Variants in LRRC14 observed in about 807,000 individuals in gnomAD.
LRRC14 encodes the protein leucine rich repeat containing 14.
A neutral mutation model predicts 25.3 loss-of-function variants in LRRC14; 16 were observed. The ratio of observed to expected loss-of-function variants is 0.63; its 90% CI spans 0.43 to 0.96. The LOEUF is 0.96. LRRC14 is among the 40% of genes least tolerant of loss of function. The pLI, the probability that LRRC14 is intolerant of heterozygous loss-of-function variation, is 0.00. For missense variants in LRRC14, 594 were observed against 660.5 expected (o/e 0.90, Z 1.10); for synonymous variants, 359 against 295.1 (o/e 1.22, Z -2.22).
Position 144,521,226 on chromosome 8 carries a change from C to T in LRRC14, c.1230C>T (p.Leu410=), listed in dbSNP as rs1481301832. ...GCAACCCACTGTCCATGGCGGGCCTCAAGGAGCTGCTGCGGGACTCAGTGG... is the reference window on the plus strand; with the variant it reads ...GCAACCCACTGTCCATGGCGGGCCTTAAGGAGCTGCTGCGGGACTCAGTGG... The part of the protein sequence containing the change: ...LYGNPLSMAG[L]KELLRDSVAQ... Residue 410 remains leucine (L), a synonymous_variant, in exon 4 of 4, where the codon CTC becomes CTT. Coordinates refer to ENST00000292524, the MANE Select transcript of LRRC14 (RefSeq NM_014665.4). The T allele has an allele frequency of 1.2e-6, 2 of 1,613,338 alleles. No individual in the cohort carries two copies. The highest frequency in any genetic ancestry group is 1.7e-6 in the Non-Finnish European group (2 of 1,180,020).
chr8:144,520,092 T>C (rs773303549), intron 2 of LRRC14, 38 bp downstream of exon 2: 1 of 1,582,754 alleles, frequency 6.3e-7, no homozygotes, highest in Non-Finnish European at 8.6e-7. Flanking sequence ...GCCAGGGGTG[T>C]GTAAGTGGGT....
rs367779446 is a variant in LRRC14 at position 144,519,869 on chromosome 8, C to T, written c.144C>T (p.Arg48=). 3.3e-5 allele frequency: 53 copies of T among 1,613,424 alleles called. No homozygotes were observed. Among genetic ancestry groups the T allele is most frequent in the East Asian group, 4.5e-5 (2 of 44,898 alleles). The change falls in exon 2 of 4, where the codon CGC becomes CGT. Residue 48 remains arginine, a synonymous_variant. Coordinates refer to ENST00000292524, the MANE Select transcript of LRRC14 (RefSeq NM_014665.4). ...TGGACAAGAAGACAGTGGTACTGCG[C>T]GAGTTGGTACACACGTGGCCCTTCC... is the stretch of plus-strand genomic sequence containing the variant. ...AFMDKKTVVL[R]ELVHTWPFPL...
chr8:144,520,307 C>T lies in LRRC14; in HGVS notation c.399C>T (p.Thr133=). ...LDDGVEQDPG[T]MSMWDCTAAV... Reference sequence around the variant, plus strand: ...ATGGTGTGGAACAGGATCCTGGCACCATGAGCATGTGGGACTGTACTGCTG... The same window carrying T: ...ATGGTGTGGAACAGGATCCTGGCACTATGAGCATGTGGGACTGTACTGCTG... The change falls in exon 3 of 4, where the codon ACC becomes ACT. Residue 133 remains threonine (T), a synonymous_variant. Transcript: ENST00000292524. 6.2e-7 allele frequency: 1 copy of T among 1,612,390 alleles called. No homozygotes were observed. The highest frequency in any genetic ancestry group is 1.6e-4 in the Middle Eastern group (1 of 6,062).
rs1261335561 is a variant in LRRC14, at chr8:144,522,380, G to A, written c.*902G>A. 19 of 1,360,022 alleles carry A rather than the reference G, an allele frequency of 1.4e-5. 1 individual carries two copies. The highest frequency in any genetic ancestry group is 3.1e-5 in the East Asian group (1 of 32,488). 84.2% of individuals were successfully genotyped at this position (1,360,022 alleles called of 1,614,324 possible). A position where few individuals can be genotyped will look rare whatever the true frequency, so the allele number is the denominator to read the frequency against. ...CGGCTCGCGCCCCACACACGGCTCA[G>A]CGCACACTGCGCGGCTTCCACCTTT... On this transcript the variant is annotated 3_prime_UTR_variant, in exon 4 of 4. Transcript: ENST00000292524.
rs1178683091 is a variant in LRRC14 at position 144,523,166 on chromosome 8, G to C, written c.*1688G>C. On this transcript the variant is annotated 3_prime_UTR_variant, in exon 4 of 4. Coordinates refer to ENST00000292524, the MANE Select transcript of LRRC14 (RefSeq NM_014665.4). ...GGTCACCAATGGCTGCGGGTAGCCG[G>C]AGGCTTGGCAGGCAACCCGCAGGTC... is the stretch of plus-strand genomic sequence containing the variant. 6.2e-7 allele frequency: 1 copy of C among 1,610,566 alleles called. No individual in the cohort carries two copies. The highest frequency in any genetic ancestry group is 2.2e-5 in the East Asian group (1 of 44,826).
chr8:144,522,373 C>G lies in LRRC14; in HGVS notation c.*895C>G. On this transcript the variant is annotated 3_prime_UTR_variant, in exon 4 of 4. Transcript: ENST00000292524. ...ACGTTCCCGGCTCGCGCCCCACACACGGCTCAGCGCACACTGCGCGGCTTC... is the reference window on the plus strand; with the variant it reads ...ACGTTCCCGGCTCGCGCCCCACACAGGGCTCAGCGCACACTGCGCGGCTTC... The G allele has an allele frequency of 2.2e-6, 3 of 1,333,630 alleles. No individual in the cohort carries two copies. Among genetic ancestry groups the G allele is most frequent in the Non-Finnish European group, 2.9e-6 (3 of 1,046,198 alleles). 82.6% of individuals were successfully genotyped at this position (1,333,630 alleles called of 1,614,324 possible).
In LRRC14 at chr8:144,519,909, C is replaced by T; in HGVS notation, c.184C>T (p.Gln62Ter). The T allele has an allele frequency of 1.2e-6, 2 of 1,613,344 alleles. No individual in the cohort carries two copies. The highest frequency in any genetic ancestry group is 1.7e-6 in the Non-Finnish European group (2 of 1,180,042). ...GTGGCCCTTCCCGCTGCTCAGTTTC[C>T]AGCAGCTGCTACAGGAGTGTGCCCA... ...HTWPFPLLSFQQLLQECAHCS... is the reference protein window; with the variant it reads ...HTWPFPLLSF Residue 62 changes from glutamine (Q) to a stop codon, truncating the protein, a stop_gained, in exon 2 of 4, where the codon CAG becomes TAG. Transcript: ENST00000292524. LOFTEE classifies it high-confidence loss of function.
chr8:144,518,642 AG>A (rs1815660263), intron 1 of LRRC14: 1 of 152,268 alleles, frequency 6.6e-6, no homozygotes, highest in Non-Finnish European at 1.5e-5. Flanking sequence ...GTCGACAAAA[AG>A]AAGGGCCTTG....
In LRRC14 at chr8:144,520,719, GACA is replaced by G; in HGVS notation, c.814_816del (p.Asn272del). The G allele has an allele frequency of 6.3e-7, 1 of 1,599,304 alleles. No homozygotes were observed. Among genetic ancestry groups the G allele is most frequent in the East Asian group, 2.2e-5 (1 of 44,884 alleles). On this transcript the variant is annotated inframe_deletion, in exon 3 of 4. Transcript: ENST00000292524. The stretch of plus-strand genomic sequence containing the variant: ...AAGGCAGCCCTCCGTGGATGGCGAG[GACA>G]ACTTCCGCTACTTCCTTGCCCAGAT...
In LRRC14 at chr8:144,523,967, G is replaced by C. The variant is rs1816239269; in HGVS notation, c.*2489G>C. The C allele has an allele frequency of 4.2e-6, 4 of 961,376 alleles. No homozygotes were observed. Among genetic ancestry groups the C allele is most frequent in the Non-Finnish European group, 3.1e-6 (2 of 641,662 alleles). 59.6% of individuals were successfully genotyped at this position (961,376 alleles called of 1,614,324 possible). The stretch of plus-strand genomic sequence containing the variant: ...ATTCCCCAGCACACCCACTCCCGCA[G>C]CCCTCCAGTGTGGCTGCAGGCGGTG... On this transcript the variant is annotated 3_prime_UTR_variant, in exon 4 of 4. Transcript: ENST00000292524.
In LRRC14 at chr8:144,522,442, T is replaced by G. The variant is rs551797325; in HGVS notation, c.*964T>G. The G allele has an allele frequency of 1.4e-6, 2 of 1,387,846 alleles. No individual in the cohort carries two copies. The highest frequency in any genetic ancestry group is 3.2e-5 in the South Asian group (2 of 61,606). The allele number at this position is 1,387,846 out of a possible 1,614,324, so 86.0% of individuals were successfully genotyped here. A position where few individuals can be genotyped will look rare whatever the true frequency, so the allele number is the denominator to read the frequency against. ...ATGCGCGAGGCCGCACCGGCCAATC[T>G]CCGGCGCCCACGTCATCCGCGCGCC... On this transcript the variant is annotated 3_prime_UTR_variant, in exon 4 of 4. Coordinates refer to ENST00000292524, the MANE Select transcript of LRRC14 (RefSeq NM_014665.4).
At chr8:144,518,367 G>A (rs1463774162) in intron 1 of LRRC14, 1 of 152,246 alleles carries the variant, frequency 6.6e-6, no homozygotes, top group African/African-American at 2.4e-5. Context: ...CCGGGCGGGG[G>A]CGTCTTCGCG....
Position 144,524,526 on chromosome 8 carries a change from A to T in LRRC14, c.*3048A>T. The T allele has an allele frequency of 6.3e-7, 1 of 1,591,324 alleles. No individual in the cohort carries two copies. Among genetic ancestry groups the T allele is most frequent in the Non-Finnish European group, 8.5e-7 (1 of 1,177,200 alleles). Reference sequence around the variant, plus strand: ...CACGCGCAGCTGGGCCAGGCCTACGAAGGCGCCGCTGCGCAAGCCGCGCAG... The same window carrying T: ...CACGCGCAGCTGGGCCAGGCCTACGTAGGCGCCGCTGCGCAAGCCGCGCAG... On this transcript the variant is annotated 3_prime_UTR_variant, in exon 4 of 4. Transcript: ENST00000292524.
Position 144,522,387 on chromosome 8 carries a change from CTG to C in LRRC14, c.*910_*911del. 1 of 1,363,468 alleles carries C rather than the reference CTG, an allele frequency of 7.3e-7. No individual in the cohort carries two copies. Among genetic ancestry groups the C allele is most frequent in the South Asian group, 1.7e-5 (1 of 57,642 alleles). 84.5% of individuals were successfully genotyped at this position (1,363,468 alleles called of 1,614,324 possible). ...CGCCCCACACACGGCTCAGCGCACA[CTG>C]CGCGGCTTCCACCTTTACTGACGGA... On this transcript the variant is annotated 3_prime_UTR_variant, in exon 4 of 4. Transcript: ENST00000292524.
chr8:144,520,720 A>C lies in LRRC14; in HGVS notation c.812A>C (p.Asp271Ala). The C allele has an allele frequency of 6.3e-7, 1 of 1,599,284 alleles. No individual in the cohort carries two copies. Among genetic ancestry groups the C allele is most frequent in the South Asian group, 1.1e-5 (1 of 91,086 alleles). The change falls in exon 3 of 4, where the codon GAC becomes GCC. Residue 271 changes from aspartate (D) to alanine (A), a missense_variant. Asp to Ala is a moderately radical substitution (Grantham distance 126). Coordinates refer to ENST00000292524, the MANE Select transcript of LRRC14 (RefSeq NM_014665.4). ...AGGCAGCCCTCCGTGGATGGCGAGG[A>C]CAACTTCCGCTACTTCCTTGCCCAG... ...DSRQPSVDGE[D>A]NFRYFLAQMG... is the part of the protein sequence containing the mutation.
chr8:144,521,355 T>C lies in LRRC14; in HGVS notation c.1359T>C (p.Asn453=), dbSNP rs756263564. The C allele has an allele frequency of 1.7e-5, 28 of 1,612,748 alleles. No homozygotes were observed. The highest frequency in any genetic ancestry group is 1.2e-4 in the Admixed American group (7 of 60,000). The change falls in exon 4 of 4, where the codon AAT becomes AAC. Residue 453 remains asparagine, a synonymous_variant. Coordinates refer to ENST00000292524, the MANE Select transcript of LRRC14 (RefSeq NM_014665.4). ...CTGTCCTGCTGGAGGCCTCCATCAA[T>C]GAGGAGAAGTTTGCCCGCGTAGAAG... ...PASVLLEASI[N]EEKFARVEAE...
In LRRC14 at chr8:144,520,632, C is replaced by T; in HGVS notation, c.724C>T (p.Pro242Ser). The T allele has an allele frequency of 6.2e-7, 1 of 1,602,002 alleles. No individual in the cohort carries two copies. Among genetic ancestry groups the T allele is most frequent in the Non-Finnish European group, 8.5e-7 (1 of 1,179,944 alleles). ...LGLRGLSVIIPHVARFQHLAS... is the reference protein window; with the variant it reads ...LGLRGLSVIISHVARFQHLAS... ...CCTGCGCGGCCTGTCTGTGATCATC[C>T]CACACGTGGCCCGCTTCCAGCACCT... Residue 242 changes from proline (P) to serine (S), a missense_variant, in exon 3 of 4, where the codon CCA (proline) becomes TCA (serine). Pro to Ser is a moderately conservative substitution (Grantham distance 74, BLOSUM62 -1). Coordinates refer to ENST00000292524, the MANE Select transcript of LRRC14 (RefSeq NM_014665.4).
At chr8:144,519,403 C>T (rs1048609183) in intron 1 of LRRC14, 38 of 456,572 alleles carry the variant, frequency 8.3e-5, no homozygotes, top group Non-Finnish European at 1.4e-4. Context: ...TGCAAGGCAA[C>T]AGGCATCTGT....
chr8:144,523,343 C>T lies in LRRC14; in HGVS notation c.*1865C>T, dbSNP rs568036554. On this transcript the variant is annotated 3_prime_UTR_variant, in exon 4 of 4. Coordinates refer to ENST00000292524, the MANE Select transcript of LRRC14 (RefSeq NM_014665.4). ...CTTCCTGTCCCTGGAGGTGAGCAGCCGCTGGCCGCCCTCCTTGATCCAGGC... is the reference window on the plus strand; with the variant it reads ...CTTCCTGTCCCTGGAGGTGAGCAGCTGCTGGCCGCCCTCCTTGATCCAGGC... 1.3e-6 allele frequency: 2 copies of T among 1,587,096 alleles called. No homozygotes were observed. The highest frequency in any genetic ancestry group is 1.7e-6 in the Non-Finnish European group (2 of 1,163,524).
Sources: gnomAD v4.1 joint callset for allele counts on GRCh38, gnomAD v4.1.1 for gene constraint, MANE v1.5 for transcripts, NCBI Gene and HGNC (gene_info 2026-07-23, HGNC 2026-07-21) for gene names.